Variants in GSPT1 observed in about 807,000 individuals in gnomAD.
The protein encoded by GSPT1 is eukaryotic peptide chain release factor GTP-binding subunit ERF3A.
Under a neutral mutation model 72.5 loss-of-function variants are expected in GSPT1, and 20 were observed. That is an observed-to-expected ratio of 0.28 (90% CI 0.19 to 0.40). The LOEUF (loss-of-function observed/expected upper bound fraction) is 0.40. GSPT1 is among the 10% of genes least tolerant of loss of function. The pLI, the probability that GSPT1 is intolerant of heterozygous loss-of-function variation, is 1.00. For synonymous variants in GSPT1, 334 were observed against 293.5 expected (o/e 1.14, Z -1.41); for missense variants, 580 against 811.9 (o/e 0.71, Z 3.47).
intron 5 of GSPT1, 145 bp downstream of exon 5, chr16:11,894,809 C>A: frequency 1.8e-6 from 1 of 569,760 alleles, no homozygotes; most frequent in Admixed American, 2.8e-5. Flanking sequence ...TTCTTAACAT[C>A]AGTATTGTGT....
At chr16:11,916,195 C>A, upstream of GSPT1, 1 of 341,260 alleles carries the variant, frequency 2.9e-6, no homozygotes, top group Non-Finnish European at 5.7e-6. Context: ...AGGGCGCAAC[C>A]GGAAGCGGCT....
intron 10 of GSPT1, among the ~76,000 whole-genome samples, chr16:11,884,108 T>C (rs1303627427): frequency 6.6e-6 from 1 of 152,170 alleles, no homozygotes; most frequent in Non-Finnish European, 1.5e-5. Flanking sequence ...AAACATTACA[T>C]ACATTGATAC....
At position 11,915,374 on chromosome 16, in the gene GSPT1, C is replaced by A. The variant is rs1432502410; in HGVS notation, c.347G>T (p.Arg116Leu). The change falls in exon 1 of 15, where the codon CGT (arginine) becomes CTT (leucine). Residue 116 changes from arginine to leucine, a missense_variant. Arg to Leu is a moderately radical substitution (Grantham distance 102). Coordinates refer to ENST00000434724, the MANE Select transcript of GSPT1 (RefSeq NM_002094.4). The stretch of plus-strand genomic sequence containing the variant: ...CCCGCGTCCCGGGCCTTTACCCGCA[C>A]GGCCTCCCGCGCCGCTGCCGGCTCC... The part of the protein sequence containing the change: ...NHGAGSGAGG[R>L]AAPVESSQEE... 1.3e-6 allele frequency: 2 copies of A among 1,481,670 alleles called. No homozygotes were observed. The highest frequency in any genetic ancestry group is 3.0e-5 in the African/African-American group (2 of 66,920). The allele number at this position is 1,481,670 out of a possible 1,614,324, so 91.8% of individuals were successfully genotyped here. A position where few individuals can be genotyped will look rare whatever the true frequency, so the allele number is the denominator to read the frequency against.
At position 11,870,410 on chromosome 16, in the gene GSPT1, T is replaced by C. The variant is rs542039793; in HGVS notation, c.*2709A>G. On this transcript the variant is annotated 3_prime_UTR_variant, in exon 15 of 15. Transcript: ENST00000434724. Reference sequence around the variant, plus strand: ...AAAGTTATATAAAGAACATCATTAATGTGAAAAGATGCAAGAAAAAAATCA... The same window carrying C: ...AAAGTTATATAAAGAACATCATTAACGTGAAAAGATGCAAGAAAAAAATCA... 1.3e-5 allele frequency: 2 copies of C among 152,342 alleles called. No individual in the cohort carries two copies. Among genetic ancestry groups the C allele is most frequent in the Non-Finnish European group, 1.5e-5 (1 of 68,032 alleles). 9.4% of individuals were successfully genotyped at this position (152,342 alleles called of 1,614,324 possible). A position where few individuals can be genotyped will look rare whatever the true frequency, so the allele number is the denominator to read the frequency against.
intron 12 of GSPT1, among the ~76,000 whole-genome samples, chr16:11,876,420 C>G (rs956420109): frequency 6.6e-6 from 1 of 152,108 alleles, no homozygotes; most frequent in Admixed American, 6.6e-5. Flanking sequence ...TGGCAAGTCC[C>G]TGGTCAACTT....
At position 11,875,865 on chromosome 16, in the gene GSPT1, T is replaced by C. The variant is rs1267141163; in HGVS notation, c.1757A>G (p.Lys586Arg). ...GCGAGCAATGCATACTTGATCTTGTTTGACAAAACGGGGTCGGGTCTTACT... is the reference window on the plus strand; with the variant it reads ...GCGAGCAATGCATACTTGATCTTGTCTGACAAAACGGGGTCGGGTCTTACT... ...EKSKTRPRFV[K>R]QDQVCIARLR... Residue 586 changes from lysine to arginine, a missense_variant, in exon 14 of 15, where the codon AAA becomes AGA. Lys to Arg is a conservative substitution (Grantham distance 26). Around this residue, in one of 6 missense-constraint regions of GSPT1, gnomAD observed 120 missense variants for 242.5 expected, o/e 0.49. Coordinates refer to ENST00000434724, the MANE Select transcript of GSPT1 (RefSeq NM_002094.4). 6.2e-7 allele frequency: 1 copy of C among 1,613,790 alleles called. No homozygotes were observed. Among genetic ancestry groups the C allele is most frequent in the Non-Finnish European group, 8.5e-7 (1 of 1,179,896 alleles).
chr16:11,881,996 G>C (rs1481607534), intron 11 of GSPT1: 3 of 152,186 alleles, frequency 2.0e-5, no homozygotes, highest in Admixed American at 2.0e-4. Flanking sequence ...AACTGAGTAA[G>C]TAAGGGCTGG....
At chr16:11,906,106 G>C (rs555756500) in intron 1 of GSPT1, among the ~76,000 whole-genome samples, 1 of 151,660 alleles carries the variant, frequency 6.6e-6, no homozygotes, top group South Asian at 2.1e-4. Flanking sequence ...TTTTGAAATG[G>C]AGTCTCACTC....
At chr16:11,898,648 G>C (rs1032475947) in intron 1 of GSPT1, among the ~76,000 whole-genome samples, 13 of 151,828 alleles carry the variant, frequency 8.6e-5, no homozygotes, top group Non-Finnish European at 1.8e-4. Context: ...ATGGGGTTTC[G>C]CCACGTTGGT....
In GSPT1 at chr16:11,886,911, T is replaced by G. The variant is rs1162508853; in HGVS notation, c.978A>C (p.Gly326=). 5.0e-6 allele frequency: 8 copies of G among 1,613,744 alleles called. No individual in the cohort carries two copies. The Admixed American group carries it at 1.0e-4, about 20-fold the overall frequency. ...LAVLVISARK[G]EFETGFEKGG... ...CTTTTTCAAATCCAGTTTCAAACTC[T>G]CCTTTCCTGGCTGAGATTACCTAAT... Residue 326 remains glycine, a synonymous_variant, in exon 8 of 15, where the codon GGA becomes GGC. Transcript: ENST00000434724.
chr16:11,901,620 AAT>A lies in GSPT1; in HGVS notation c.353-3587_353-3586del, dbSNP rs113206101. ...GTGAAACCCCATCTCCACACACAAA[AAT>A]ATATATATATATATATGAATTAGGC... On this transcript the variant is annotated intron_variant, in intron 1 of 14. Coordinates refer to ENST00000434724, the MANE Select transcript of GSPT1 (RefSeq NM_002094.4). Among the ~76,000 whole-genome samples, 898 of 147,114 alleles carry A rather than the reference AAT, an allele frequency of 6.1e-3. 7 individuals are homozygous for A. Among genetic ancestry groups the A allele is most frequent in the Middle Eastern group, 0.014 (4 of 288 alleles).
At chr16:11,887,446 G>C in intron 7 of GSPT1, 124 bp downstream of exon 7, 1 of 728,516 alleles carries the variant, frequency 1.4e-6, no homozygotes, top group Non-Finnish European at 2.3e-6. Context: ...TGAAAACTGT[G>C]ACCGTGTACA....
chr16:11,886,793 T>A lies in GSPT1; in HGVS notation c.1096A>T (p.Asn366Tyr). The A allele has an allele frequency of 1.2e-6, 2 of 1,613,596 alleles. No homozygotes were observed. The highest frequency in any genetic ancestry group is 1.7e-6 in the Non-Finnish European group (2 of 1,179,578). ...TACGCTCACCTCTCATTGCTCCAAT[T>A]TACTGTTGGATCATCCATCTTATTA... ...LINKMDDPTV[N>Y]WSNERYEECK... The change falls in exon 8 of 15, where the codon AAT becomes TAT. Residue 366 changes from asparagine to tyrosine, a missense_variant. This residue lies in a region of GSPT1 where 34 missense variants were observed against 62.0 expected (regional missense o/e 0.55). Coordinates refer to ENST00000434724, the MANE Select transcript of GSPT1 (RefSeq NM_002094.4).
chr16:11,880,358 G>T (rs2054106484), intron 11 of GSPT1: 1 of 152,176 alleles, frequency 6.6e-6, no homozygotes, highest in Non-Finnish European at 1.5e-5. Context: ...GCTGGATTAT[G>T]TGGGAAATCT....
chr16:11,895,290 G>C, intron 4 of GSPT1: 1 of 211,494 alleles, frequency 4.7e-6, no homozygotes, highest in Non-Finnish European at 9.7e-6. Flanking sequence ...AATTAGCTAG[G>C]CGTGGTGGCG....
chr16:11,904,553 T>A (rs942238004), intron 1 of GSPT1, among the ~76,000 whole-genome samples: 8 of 152,132 alleles, frequency 5.3e-5, no homozygotes, highest in African/African-American at 1.9e-4. Flanking sequence ...GTGTACAATT[T>A]TTTTTTAAAG....
Position 11,891,045 on chromosome 16 carries a change from A to G in GSPT1, c.776+17T>C, listed in dbSNP as rs368313841. 1.4e-5 allele frequency: 17 copies of G among 1,180,086 alleles called. No homozygotes were observed. Among genetic ancestry groups the G allele is most frequent in the Middle Eastern group, 1.9e-4 (1 of 5,240 alleles). The allele number at this position is 1,180,086 out of a possible 1,614,324, so 73.1% of individuals were successfully genotyped here. ...TCCTTAAAAGTAATTTATAAGTGTC[A>G]TAAAAGTTTACTATACCAAGTTTCT... On this transcript the variant is annotated intron_variant, in intron 6 of 14. Transcript: ENST00000434724.
rs1042818925 is a variant in GSPT1 at position 11,885,257 on chromosome 16, G to A, written c.1271C>T (p.Pro424Leu). 1 of 1,555,336 alleles carries A rather than the reference G, an allele frequency of 6.4e-7. No homozygotes were observed. The highest frequency in any genetic ancestry group is 8.9e-7 in the Non-Finnish European group (1 of 1,126,956). Residue 424 changes from proline to leucine, a missense_variant, in exon 10 of 15, where the codon CCA (proline) becomes CTA (leucine). By Grantham distance (98) the Pro-to-Leu change is moderately conservative. Transcript: ENST00000434724. ...CPWYIGLPFI[P>L]YLDNLPNFNR... ...GAAGTTCGGCAAATTATCCAGATATGGAATAAACGGTAATCCACTGAGAAC... is the reference window on the plus strand; with the variant it reads ...GAAGTTCGGCAAATTATCCAGATATAGAATAAACGGTAATCCACTGAGAAC...
intron 1 of GSPT1, among the ~76,000 whole-genome samples, chr16:11,904,336 G>A (rs1488891563): frequency 1.3e-5 from 2 of 152,090 alleles, no homozygotes; most frequent in Admixed American, 1.3e-4. Context: ...CCGAGTAGCT[G>A]GGACTACAGG....
Sources: allele counts gnomAD v4.1 joint callset (sites outside exome capture counted in the v4.1 genomes callset), GRCh38; gene constraint gnomAD v4.1.1; regional missense constraint gnomAD v4.1.1; transcripts MANE v1.5; gene names NCBI Gene and HGNC (gene_info 2026-07-23, HGNC 2026-07-21).